Variants in ADAM12 observed in about 807,000 individuals in gnomAD.
ADAM12 encodes the protein ADAM metallopeptidase domain 12, also known as disintegrin and metalloproteinase domain-containing protein 12.
In ADAM12, 70 loss-of-function variants were observed where a neutral mutation model predicts 106.4. The ratio of observed to expected loss-of-function variants is 0.66; its 90% CI spans 0.54 to 0.80. The LOEUF is 0.80. ADAM12 is among the 30% of genes least tolerant of loss of function. ADAM12 has a pLI of 0.00. For missense variants in ADAM12, 1,010 were observed against 1,171.9 expected (o/e 0.86, Z 2.02); for synonymous variants, 420 against 433.5 (o/e 0.97, Z 0.39).
chr10:126,243,661 C>T (rs1379875276), intron 3 of ADAM12, among the ~76,000 whole-genome samples: 6 of 152,174 alleles, frequency 3.9e-5, no homozygotes, highest in Admixed American at 2.6e-4. Flanking sequence ...AAGTGGTATT[C>T]TTGCAGATAG....
At chr10:126,104,311 C>G (rs1415993380) in intron 8 of ADAM12, among the ~76,000 whole-genome samples, 1 of 151,508 alleles carries the variant, frequency 6.6e-6, no homozygotes, top group African/African-American at 2.4e-5. Flanking sequence ...TTAGTCAGGC[C>G]TGATGGTGGG....
chr10:126,133,267 G>A (rs557536532), intron 5 of ADAM12, among the ~76,000 whole-genome samples: 12 of 152,192 alleles, frequency 7.9e-5, no homozygotes, highest in East Asian at 1.9e-4. Context: ...TCTCCTGAGC[G>A]CCCACTCTGC....
chr10:126,046,015 G>C (rs566148179), intron 17 of ADAM12, 40 bp downstream of exon 17: 1 of 1,568,348 alleles, frequency 6.4e-7, no homozygotes, highest in Non-Finnish European at 8.8e-7. Flanking sequence ...TACTTAACTT[G>C]TTATGGGCTG....
At chr10:126,248,430 C>A (rs917418464) in intron 3 of ADAM12, among the ~76,000 whole-genome samples, 7 of 152,098 alleles carry the variant, frequency 4.6e-5, no homozygotes, top group Non-Finnish European at 8.8e-5. Flanking sequence ...ATGGCTGGGC[C>A]CTCCCAAACA....
At chr10:126,203,764 T>C (rs1259679762) in intron 3 of ADAM12, among the ~76,000 whole-genome samples, 1 of 152,180 alleles carries the variant, frequency 6.6e-6, no homozygotes, top group Non-Finnish European at 1.5e-5. Flanking sequence ...AAAAAATAAG[T>C]TTCATAACTT....
intron 21 of ADAM12, among the ~76,000 whole-genome samples, chr10:126,033,026 T>C (rs985418633): frequency 2.0e-5 from 3 of 152,166 alleles, no homozygotes; most frequent in African/African-American, 7.2e-5. Flanking sequence ...AAGAAACTTA[T>C]AAACCAAGAA....
intron 3 of ADAM12, among the ~76,000 whole-genome samples, chr10:126,156,562 T>C (rs114938369): frequency 6.8e-4 from 103 of 152,350 alleles, no homozygotes; most frequent in African/African-American, 2.5e-3. Context: ...AAATCTCTGC[T>C]TCTGTTGCTT....
chr10:126,355,255 A>C (rs1255041230), intron 1 of ADAM12, among the ~76,000 whole-genome samples: 1 of 152,252 alleles, frequency 6.6e-6, no homozygotes, highest in African/African-American at 2.4e-5. Flanking sequence ...CTATGAATAA[A>C]AGGAATAGTG....
intron 3 of ADAM12, among the ~76,000 whole-genome samples, chr10:126,188,383 G>A (rs929004544): frequency 6.6e-6 from 1 of 152,188 alleles, no homozygotes; most frequent in African/African-American, 2.4e-5. Context: ...GTCTCATTCT[G>A]TTGCCCACAC....
At chr10:126,248,685 G>GTATGTATGTATTTATTTATT (rs1291820531) in intron 3 of ADAM12, among the ~76,000 whole-genome samples, 1 of 67,096 alleles carries the variant, frequency 1.5e-5, no homozygotes, top group African/African-American at 6.6e-5. Context: ...ATGTATGTAT[G>GTATGTATGTATTTATTTATT]TATTTATTTA....
In ADAM12 at chr10:126,118,021, T is replaced by G; in HGVS notation, c.603+17A>C. ...CTCCTAGCTTTCCAGAAACACAAAA[T>G]CAGGTATCCCCCTTACCCTTCTTGC... On this transcript the variant is annotated intron_variant, in intron 6 of 22. Transcript: ENST00000448723. 6.2e-7 allele frequency: 1 copy of G among 1,610,106 alleles called. No individual in the cohort carries two copies. Among genetic ancestry groups the G allele is most frequent in the Non-Finnish European group, 8.5e-7 (1 of 1,176,948 alleles).
intron 2 of ADAM12, among the ~76,000 whole-genome samples, chr10:126,320,364 C>A (rs148330824): frequency 6.6e-6 from 1 of 152,134 alleles, no homozygotes; most frequent in Admixed American, 6.5e-5. Flanking sequence ...CATTCTACAA[C>A]GGTGCTGTAG....
intron 3 of ADAM12, among the ~76,000 whole-genome samples, chr10:126,219,428 T>G (rs1201304395): frequency 6.6e-6 from 1 of 152,172 alleles, no homozygotes; most frequent in African/African-American, 2.4e-5. Flanking sequence ...TACATTAATC[T>G]CTTTAGCTAT....
At chr10:126,074,997 C>T (rs1590374177) in intron 11 of ADAM12, among the ~76,000 whole-genome samples, 1 of 152,154 alleles carries the variant, frequency 6.6e-6, no homozygotes, top group East Asian at 1.9e-4. Context: ...CTCTTCCCAC[C>T]AACCTGGGGT....
At chr10:126,156,688 C>T (rs1039261883) in intron 3 of ADAM12, among the ~76,000 whole-genome samples, 2 of 152,204 alleles carry the variant, frequency 1.3e-5, no homozygotes, top group Non-Finnish European at 2.9e-5. Flanking sequence ...TTGGGTGGAG[C>T]ATCCTGCAAG....
intron 1 of ADAM12, among the ~76,000 whole-genome samples, chr10:126,382,701 C>T (rs1856537107): frequency 6.6e-6 from 1 of 151,896 alleles, no homozygotes; most frequent in African/African-American, 2.4e-5. Context: ...CAACAGAGAG[C>T]CAAAAATCAG....
At chr10:126,300,313 C>T (rs931001188) in intron 2 of ADAM12, among the ~76,000 whole-genome samples, 2 of 152,148 alleles carry the variant, frequency 1.3e-5, no homozygotes, top group Non-Finnish European at 2.9e-5. Context: ...CTGACAGGAC[C>T]TGGGCACTGG....
At chr10:126,106,137 G>A (rs867398782) in intron 8 of ADAM12, among the ~76,000 whole-genome samples, 4 of 152,096 alleles carry the variant, frequency 2.6e-5, no homozygotes, top group East Asian at 1.9e-4. Flanking sequence ...TCTCCCACTC[G>A]CCCTCAGCCT....
intron 2 of ADAM12, among the ~76,000 whole-genome samples, chr10:126,326,471 T>C (rs1004169509): frequency 1.6e-4 from 25 of 152,246 alleles, no homozygotes; most frequent in African/African-American, 6.0e-4. Context: ...CCTTAACACC[T>C]TGAATCCACG....
Sources: allele counts gnomAD v4.1 joint callset (sites outside exome capture counted in the v4.1 genomes callset), GRCh38; gene constraint gnomAD v4.1.1; transcripts MANE v1.5; gene names NCBI Gene and HGNC (gene_info 2026-07-23, HGNC 2026-07-21).